The following ATP13A3 variants were observed in gnomAD, a reference collection of about 807,000 sequenced individuals.
ATP13A3 encodes the protein polyamine-transporting ATPase 13A3.
A neutral mutation model predicts 158.1 loss-of-function variants in ATP13A3; 59 were observed. The ratio of observed to expected loss-of-function variants is 0.37; its 90% CI spans 0.30 to 0.46. The LOEUF is 0.46. Among genes scored for constraint, ATP13A3 ranks in the 20% least tolerant of loss-of-function variants. ATP13A3 has a pLI of 1.00. For missense variants in ATP13A3, 1,166 were observed against 1,525.2 expected, an observed-to-expected ratio of 0.76 and a Z score of 3.92; for synonymous variants, 491 against 504.3, an observed-to-expected ratio of 0.97 and a Z score of 0.35.
intron 2 of ATP13A3, chr3:194,493,917 A>G (rs958130435): frequency 5.5e-6 from 2 of 360,918 alleles, no homozygotes; most frequent in African/African-American, 2.1e-5. Context: ...AGGAGGTACT[A>G]TTATTTCTGT....
chr3:194,435,716 G>A (rs1200549475), intron 20 of ATP13A3, among the ~76,000 whole-genome samples: 1 of 152,068 alleles, frequency 6.6e-6, no homozygotes, highest in Non-Finnish European at 1.5e-5. Flanking sequence ...AGACCAGCCT[G>A]GCCAACATAG....
chr3:194,462,271 A>G, intron 2 of ATP13A3, 35 bp from the exon 3 acceptor site: 4 of 1,338,414 alleles, frequency 3.0e-6, no homozygotes, highest in Non-Finnish European at 4.3e-6. Flanking sequence ...TTAGGGAACT[A>G]TCTTCTATCT....
At chr3:194,460,568 T>TATTTTA (rs1719577977) in intron 4 of ATP13A3, 90 bp downstream of exon 4, 1 of 1,330,142 alleles carries the variant, frequency 7.5e-7, no homozygotes, top group Non-Finnish European at 1.0e-6. Flanking sequence ...GGCAGCGATG[T>TATTTTA]TCCCTTCATC....
chr3:194,427,348 T>A, intron 28 of ATP13A3, 96 bp from the exon 29 acceptor site: 1 of 1,152,070 alleles, frequency 8.7e-7, no homozygotes, highest in Non-Finnish European at 1.2e-6. Context: ...TAAAAATTTG[T>A]TTTTGCCTAA....
intron 31 of ATP13A3, 89 bp from the exon 32 acceptor site, chr3:194,413,928 C>T (rs1715624297): frequency 9.0e-7 from 1 of 1,115,360 alleles, no homozygotes; most frequent in Non-Finnish European, 1.4e-6. Context: ...TATTGAATTC[C>T]TATGATGTAC....
rs545541939 is a variant in ATP13A3 at position 194,414,202 on chromosome 3, C to T, written c.3403-363G>A. 3.3e-5 allele frequency among the ~76,000 whole-genome samples: 5 copies of T among 152,208 alleles called. No individual in the cohort carries two copies. The East Asian group carries it at 7.7e-4, about 23-fold the overall frequency. On this transcript the variant is annotated intron_variant, in intron 31 of 33. Coordinates refer to ENST00000645319, the MANE Select transcript of ATP13A3 (RefSeq NM_001367549.1). ...TACCAGCCAGGCACAGTGGCTCATGCCTGTGATCCCAACATCTTGGGAGGC... is the reference window on the plus strand; with the variant it reads ...TACCAGCCAGGCACAGTGGCTCATGTCTGTGATCCCAACATCTTGGGAGGC...
intron 28 of ATP13A3, 26 bp from the exon 29 acceptor site, chr3:194,427,278 G>A (rs1716856073): frequency 6.4e-7 from 1 of 1,560,926 alleles, no homozygotes; most frequent in African/African-American, 1.4e-5. Flanking sequence ...AAAGAGGAAA[G>A]GTTTGTATTT....
At chr3:194,475,232 T>C (rs1720475043) in intron 2 of ATP13A3, among the ~76,000 whole-genome samples, 1 of 152,160 alleles carries the variant, frequency 6.6e-6, no homozygotes, top group South Asian at 2.1e-4. Flanking sequence ...TAAAAATAAT[T>C]TTTTTCATTA....
chr3:194,424,233 AAT>A (rs1028962201), intron 30 of ATP13A3, among the ~76,000 whole-genome samples: 53 of 151,804 alleles, frequency 3.5e-4, no homozygotes, highest in Non-Finnish European at 2.8e-4. Context: ...TTTTTAAAAT[AAT>A]AGTTATTTTT....
intron 30 of ATP13A3, 61 bp downstream of exon 30, chr3:194,425,281 T>C (rs1475961328): frequency 7.1e-7 from 1 of 1,402,036 alleles, no homozygotes; most frequent in Non-Finnish European, 9.9e-7. Context: ...ATAATTATTC[T>C]CTTCTACATT....
chr3:194,454,291 T>C lies in ATP13A3; in HGVS notation c.732A>G (p.Val244=), dbSNP rs1222374000. Residue 244 remains valine, a synonymous_variant, in exon 9 of 34, where the codon GTA becomes GTG. Transcript: ENST00000645319. ...TGGAATATAGTGAGCTTACGATTGA[T>C]ACTATGGACATAACCACAATAGCTA... ...YALAIVVMSI[V]SIVSSLYSIR... is the part of the protein sequence containing the mutation. 1.2e-6 allele frequency: 2 copies of C among 1,608,644 alleles called. No individual in the cohort carries two copies. Among genetic ancestry groups the C allele is most frequent in the Admixed American group, 1.7e-5 (1 of 59,976 alleles).
At chr3:194,492,609 C>A (rs976346574) in intron 2 of ATP13A3, among the ~76,000 whole-genome samples, 1 of 152,106 alleles carries the variant, frequency 6.6e-6, no homozygotes, top group Non-Finnish European at 1.5e-5. Context: ...CATCCGCCAC[C>A]AGGCCCAGCT....
rs1720987847 is a variant in ATP13A3 at position 194,486,580 on chromosome 3, GGCCGCCGCCGC to G, written c.-114_-104del. ...GCCCCGCTCACCGGGGCCGCTCACT[GGCCGCCGCCGC>G]GCCGCCTCCTCCGCGGCCTCCCTCG... On this transcript the variant is annotated 5_prime_UTR_variant, in exon 1 of 34. Transcript: ENST00000645319. The G allele has an allele frequency of 6.6e-6, 1 of 150,682 alleles. No homozygotes were observed. Among genetic ancestry groups the G allele is most frequent in the African/African-American group, 2.4e-5 (1 of 41,096 alleles). The allele number at this position is 150,682 out of a possible 1,614,324, so 9.3% of individuals were successfully genotyped here. A position where few individuals can be genotyped will look rare whatever the true frequency, so the allele number is the denominator to read the frequency against.
intron 8 of ATP13A3, among the ~76,000 whole-genome samples, chr3:194,454,766 T>C (rs1363719374): frequency 1.3e-5 from 2 of 151,766 alleles, no homozygotes; most frequent in Admixed American, 6.6e-5. Context: ...GAGGCAGAGC[T>C]TGCAGTGAGC....
chr3:194,428,634 T>C (rs557286162), intron 28 of ATP13A3, among the ~76,000 whole-genome samples: 3 of 152,284 alleles, frequency 2.0e-5, no homozygotes, highest in East Asian at 1.9e-4. Context: ...ACTCAAAACT[T>C]ATTTTCAAAT....
chr3:194,432,006 GAT>G, intron 21 of ATP13A3, 114 bp from the exon 22 acceptor site: 1 of 804,332 alleles, frequency 1.2e-6, no homozygotes, highest in Non-Finnish European at 1.7e-6. Flanking sequence ...GCAGAGTAAC[GAT>G]AATGTATGGT....
At chr3:194,492,076 T>G (rs1292425271) in intron 2 of ATP13A3, among the ~76,000 whole-genome samples, 1 of 152,170 alleles carries the variant, frequency 6.6e-6, no homozygotes, top group Non-Finnish European at 1.5e-5. Context: ...GATGAACTTC[T>G]TGGGTCCACA....
At chr3:194,463,066 CAG>C (rs1455755775) in intron 2 of ATP13A3, among the ~76,000 whole-genome samples, 2 of 152,192 alleles carry the variant, frequency 1.3e-5, no homozygotes, top group African/African-American at 4.8e-5. Context: ...AAAAACTTCT[CAG>C]AGATTATTAA....
intron 31 of ATP13A3, 123 bp from the exon 32 acceptor site, chr3:194,413,962 T>C: frequency 1.3e-6 from 1 of 795,772 alleles, no homozygotes; most frequent in African/African-American, 1.7e-5. Flanking sequence ...ATACATTATC[T>C]ACTTAATCCT....
Sources: gnomAD v4.1 joint callset for allele counts (sites outside exome capture counted in the v4.1 genomes callset) on GRCh38, gnomAD v4.1.1 for gene constraint, MANE v1.5 for transcripts, NCBI Gene and HGNC (gene_info 2026-07-23, HGNC 2026-07-21) for gene names.